The following RAB33B variants were observed in gnomAD, a reference collection of about 807,000 sequenced individuals.
The protein encoded by RAB33B is ras-related protein Rab-33B.
A neutral mutation model predicts 15.0 loss-of-function variants in RAB33B; 6 were observed. That is an observed-to-expected ratio of 0.40 (90% CI 0.22 to 0.79). The LOEUF is 0.79. RAB33B is among the 30% of genes least tolerant of loss of function. The pLI is 0.37. For synonymous variants in RAB33B, 117 were observed against 108.3 expected (o/e 1.08, Z -0.50); for missense variants, 257 against 296.4 (o/e 0.87, Z 0.98).
At chr4:139,450,925 C>T (rs1430834010), upstream of RAB33B, 1 of 137,316 alleles carries the variant, frequency 7.3e-6, no homozygotes, top group Non-Finnish European at 1.6e-5. Flanking sequence ...TTTTGAGACA[C>T]AGTCTTGTTC....
chr4:139,444,886 C>T, the RAB33B span, among the ~76,000 whole-genome samples: 1 of 152,156 alleles, frequency 6.6e-6, no homozygotes, highest in Non-Finnish European at 1.5e-5. Flanking sequence ...ATTAGAGCTG[C>T]CTCTACCTAG....
intron 1 of RAB33B, among the ~76,000 whole-genome samples, chr4:139,462,140 G>A (rs1199267450): frequency 4.2e-5 from 6 of 144,360 alleles, no homozygotes; most frequent in East Asian, 4.3e-4. Flanking sequence ...TGCAAGCTCC[G>A]CCTCCCGGGT....
the RAB33B span, among the ~76,000 whole-genome samples, chr4:139,444,061 T>C: frequency 6.6e-6 from 1 of 152,234 alleles, no homozygotes. Context: ...AGTTTTATAA[T>C]TTATATAAGC....
intron 1 of RAB33B, among the ~76,000 whole-genome samples, chr4:139,462,610 G>A (rs1351572293): frequency 1.3e-5 from 2 of 152,092 alleles, no homozygotes; most frequent in Non-Finnish European, 2.9e-5. Context: ...ATCATAACTG[G>A]TATTAGTGAC....
At chr4:139,472,640 A>G in intron 1 of RAB33B, 46 bp from the exon 2 acceptor site, 1 of 1,369,432 alleles carries the variant, frequency 7.3e-7, no homozygotes, top group Non-Finnish European at 1.0e-6. Context: ...GATATGTATA[A>G]TTGGAATGGG....
chr4:139,451,487 A>T (rs1372415071), upstream of RAB33B: 1 of 143,160 alleles, frequency 7.0e-6, no homozygotes, highest in Non-Finnish European at 1.5e-5. Flanking sequence ...CGATTCTCCC[A>T]CCTCAGCCTC....
intron 1 of RAB33B, among the ~76,000 whole-genome samples, chr4:139,458,284 T>TC (rs1491367283): frequency 8.8e-5 from 13 of 148,470 alleles, no homozygotes. Context: ...TCTCTCTCTC[T>TC]TTTTTTTTTA....
upstream of RAB33B, chr4:139,454,064 G>A (rs1750009715): frequency 9.1e-6 from 10 of 1,097,670 alleles, no homozygotes; most frequent in Non-Finnish European, 1.3e-5. Context: ...CGCGCTCGGG[G>A]CTGGTGGGCG....
upstream of RAB33B, chr4:139,452,967 G>A (rs1295152349): frequency 2.0e-5 from 3 of 152,282 alleles, no homozygotes; most frequent in African/African-American, 7.2e-5. Context: ...AAAAAGCAAT[G>A]TTTGCATATT....
In RAB33B at chr4:139,464,398, T is replaced by G. The variant is rs560026734; in HGVS notation, c.250-8288T>G. Among the ~76,000 whole-genome samples, 28 of 149,348 alleles carry G rather than the reference T, an allele frequency of 1.9e-4. No homozygotes were observed. In the South Asian group the frequency reaches 4.5e-3, roughly 24 times the overall value. ...GAAGAGGAATACTGTTTTTTTTTTT[T>G]TTTTTTTTTTTTTTATACTTTAAGT... On this transcript the variant is annotated intron_variant, in intron 1 of 1. Coordinates refer to ENST00000305626, the MANE Select transcript of RAB33B (RefSeq NM_031296.3).
chr4:139,462,093 G>A (rs891700738), intron 1 of RAB33B, among the ~76,000 whole-genome samples: 1 of 132,588 alleles, frequency 7.5e-6, no homozygotes, highest in Non-Finnish European at 1.5e-5. Flanking sequence ...TCGCTCTGTC[G>A]CCCAGGTTGG....
At chr4:139,448,098 C>G in the RAB33B span, among the ~76,000 whole-genome samples, 1 of 152,130 alleles carries the variant, frequency 6.6e-6, no homozygotes, top group African/African-American at 2.4e-5. Flanking sequence ...GCATGGAATA[C>G]AGAGATCTAT....
upstream of RAB33B, chr4:139,453,189 A>G (rs915983738): frequency 3.3e-5 from 5 of 152,216 alleles, no homozygotes; most frequent in African/African-American, 9.7e-5. Flanking sequence ...AGGGGCGCCT[A>G]GTAACTACCA....
At chr4:139,452,087 T>C (rs1749937345), upstream of RAB33B, 2 of 152,224 alleles carry the variant, frequency 1.3e-5, no homozygotes, top group Admixed American at 6.5e-5. Context: ...CCAACAATGA[T>C]TTTTAAAATT....
At chr4:139,445,914 T>G in the RAB33B span, among the ~76,000 whole-genome samples, 2 of 152,132 alleles carry the variant, frequency 1.3e-5, no homozygotes, top group Non-Finnish European at 2.9e-5. Flanking sequence ...ATAACTATTC[T>G]CCTTCTGAGA....
the RAB33B span, among the ~76,000 whole-genome samples, chr4:139,445,568 C>G: frequency 6.6e-6 from 1 of 152,288 alleles, no homozygotes; most frequent in East Asian, 1.9e-4. Context: ...GCATTTGGCC[C>G]CTCCTATACC....
In RAB33B at chr4:139,473,007, A is replaced by G; in HGVS notation, c.571A>G (p.Ile191Val). ...CAATGATAATGACCATGTGGAAGCT[A>G]TATTTATGACCTTGGCTCATAAGCT... ...NPNDNDHVEA[I>V]FMTLAHKLKS... Residue 191 changes from isoleucine (I) to valine (V), a missense_variant, in exon 2 of 2, where the codon ATA (isoleucine) becomes GTA (valine). By Grantham distance (29) the Ile-to-Val change is conservative. Coordinates refer to ENST00000305626, the MANE Select transcript of RAB33B (RefSeq NM_031296.3). 1 of 1,614,178 alleles carries G rather than the reference A, an allele frequency of 6.2e-7. No individual in the cohort carries two copies. The highest frequency in any genetic ancestry group is 2.2e-5 in the East Asian group (1 of 44,884).
chr4:139,464,706 A>G (rs1337762167), intron 1 of RAB33B, among the ~76,000 whole-genome samples: 1 of 152,170 alleles, frequency 6.6e-6, no homozygotes, highest in Non-Finnish European at 1.5e-5. Flanking sequence ...TGTCGATACA[A>G]AGGACATGAA....
upstream of RAB33B, chr4:139,448,904 GA>G (rs1375091603): frequency 6.6e-6 from 1 of 152,224 alleles, no homozygotes; most frequent in Non-Finnish European, 1.5e-5. Flanking sequence ...GCATGGGTAG[GA>G]ATGTGAATCT....
Sources: gnomAD v4.1 joint callset for allele counts (sites outside exome capture counted in the v4.1 genomes callset) on GRCh38, gnomAD v4.1.1 for gene constraint, MANE v1.5 for transcripts, NCBI Gene and HGNC (gene_info 2026-07-23, HGNC 2026-07-21) for gene names.